The following GABRB1 variants were observed in gnomAD, a reference collection of about 807,000 sequenced individuals.
GABRB1 encodes gamma-aminobutyric acid receptor subunit beta-1.
Under a neutral mutation model 51.6 loss-of-function variants are expected in GABRB1, and 17 were observed. That is an observed-to-expected ratio of 0.33 (90% CI 0.23 to 0.49). The LOEUF (loss-of-function observed/expected upper bound fraction) is 0.49. Ranked by LOEUF, GABRB1 falls within the 20% of genes least tolerant of loss-of-function variation. The pLI, the probability that GABRB1 is intolerant of heterozygous loss-of-function variation, is 0.99. For synonymous variants in GABRB1, 247 were observed against 218.9 expected (o/e 1.13, Z -1.14); for missense variants, 410 against 600.6 (o/e 0.68, Z 3.32).
At chr4:47,292,264 T>G (rs1723773531) in intron 4 of GABRB1, among the ~76,000 whole-genome samples, 1 of 152,212 alleles carries the variant, frequency 6.6e-6, no homozygotes, top group Non-Finnish European at 1.5e-5. Flanking sequence ...CCACCATGAT[T>G]GTGAGGCATC....
chr4:47,374,073 A>G (rs1328566584), intron 5 of GABRB1, among the ~76,000 whole-genome samples: 1 of 152,180 alleles, frequency 6.6e-6, no homozygotes, highest in Non-Finnish European at 1.5e-5. Context: ...AAAGCCCTTG[A>G]GAATTGCACC....
chr4:47,115,469 G>A (rs1715434702), intron 3 of GABRB1, among the ~76,000 whole-genome samples: 1 of 151,640 alleles, frequency 6.6e-6, no homozygotes, highest in Non-Finnish European at 1.5e-5. Flanking sequence ...CTTGAGAAAT[G>A]TGAATTGGAA....
intron 1 of GABRB1, among the ~76,000 whole-genome samples, chr4:47,005,357 G>A (rs1724357493): frequency 6.6e-6 from 1 of 152,184 alleles, no homozygotes; most frequent in Non-Finnish European, 1.5e-5. Context: ...GGCGGAGCTT[G>A]CAGTGAGCTG....
At chr4:47,254,188 T>A (rs1315495569) in intron 4 of GABRB1, among the ~76,000 whole-genome samples, 1 of 152,058 alleles carries the variant, frequency 6.6e-6, no homozygotes, top group Non-Finnish European at 1.5e-5. Flanking sequence ...CCAAAGAATA[T>A]GCTATCAGAA....
intron 1 of GABRB1, among the ~76,000 whole-genome samples, chr4:47,020,740 C>T (rs1483430381): frequency 6.6e-6 from 1 of 152,196 alleles, no homozygotes; most frequent in African/African-American, 2.4e-5. Flanking sequence ...TAACTTCTTC[C>T]ACCCTTGCCC....
At chr4:47,246,588 T>G (rs982207721) in intron 4 of GABRB1, among the ~76,000 whole-genome samples, 60 of 151,192 alleles carry the variant, frequency 4.0e-4, no homozygotes, top group Admixed American at 4.0e-3. Flanking sequence ...CTTTTAGTTC[T>G]TTGAGGAATC....
intron 3 of GABRB1, among the ~76,000 whole-genome samples, chr4:47,088,724 C>T (rs1236613174): frequency 2.0e-5 from 3 of 152,172 alleles, no homozygotes; most frequent in Non-Finnish European, 2.9e-5. Context: ...ATATCATCCC[C>T]GTTACTACCA....
At chr4:47,071,448 C>T (rs544310763) in intron 3 of GABRB1, among the ~76,000 whole-genome samples, 1 of 152,236 alleles carries the variant, frequency 6.6e-6, no homozygotes, top group South Asian at 2.1e-4. Flanking sequence ...CCTGATTCCT[C>T]ACTCTCCCCA....
At chr4:47,384,183 T>C (rs1282234462) in intron 5 of GABRB1, among the ~76,000 whole-genome samples, 3 of 152,156 alleles carry the variant, frequency 2.0e-5, no homozygotes, top group Non-Finnish European at 4.4e-5. Context: ...TTATCATTCA[T>C]AGATAACCAC....
chr4:47,127,154 A>T (rs145651711), intron 3 of GABRB1, among the ~76,000 whole-genome samples: 1 of 151,994 alleles, frequency 6.6e-6, no homozygotes, highest in African/African-American at 2.4e-5. Flanking sequence ...TCCTAATTAT[A>T]GTATCTTTTT....
chr4:47,249,799 A>G (rs190612434), intron 4 of GABRB1, among the ~76,000 whole-genome samples: 83 of 151,962 alleles, frequency 5.5e-4, no homozygotes, highest in Middle Eastern at 3.4e-3. Context: ...CCACCCTTTT[A>G]CTTTAAGTTT....
chr4:47,295,111 T>A (rs1723920032), intron 4 of GABRB1, among the ~76,000 whole-genome samples: 1 of 152,004 alleles, frequency 6.6e-6, no homozygotes, highest in Non-Finnish European at 1.5e-5. Context: ...CATCTGTACA[T>A]CACCATCGTC....
At chr4:47,329,984 C>T (rs981199531) in intron 5 of GABRB1, among the ~76,000 whole-genome samples, 6 of 152,068 alleles carry the variant, frequency 3.9e-5, no homozygotes, top group Non-Finnish European at 7.4e-5. Context: ...ATTCCAGTCC[C>T]AGTCCAAAGG....
At chr4:47,277,662 A>G (rs935894369) in intron 4 of GABRB1, among the ~76,000 whole-genome samples, 2 of 152,030 alleles carry the variant, frequency 1.3e-5, no homozygotes, top group African/African-American at 4.8e-5. Flanking sequence ...AAAATTTTTT[A>G]ATAAAAATTT....
At chr4:47,225,514 C>T (rs1720913381) in intron 4 of GABRB1, among the ~76,000 whole-genome samples, 1 of 152,096 alleles carries the variant, frequency 6.6e-6, no homozygotes, top group Non-Finnish European at 1.5e-5. Context: ...TTCAAATTCA[C>T]AGATATCTCT....
At position 47,320,226 on chromosome 4, in the gene GABRB1, G is replaced by C. The variant is rs1449611159; in HGVS notation, c.544+17G>C. 5 of 1,487,214 alleles carry C rather than the reference G, an allele frequency of 3.4e-6. No homozygotes were observed. The highest frequency in any genetic ancestry group is 4.7e-6 in the Non-Finnish European group (5 of 1,064,300). 92.1% of individuals were successfully genotyped at this position (1,487,214 alleles called of 1,614,324 possible). A position where few individuals can be genotyped will look rare whatever the true frequency, so the allele number is the denominator to read the frequency against. On this transcript the variant is annotated intron_variant, in intron 5 of 8. Coordinates refer to ENST00000295454, the MANE Select transcript of GABRB1 (RefSeq NM_000812.4). ...TCGAAAGTTGTGAGTTACTTGGACA[G>C]GGGAATGAAAAAGAGGGATTCTTCC... is the stretch of plus-strand genomic sequence containing the variant.
chr4:47,307,713 T>C (rs1724520210), intron 4 of GABRB1, among the ~76,000 whole-genome samples: 2 of 152,120 alleles, frequency 1.3e-5, no homozygotes, highest in East Asian at 3.9e-4. Context: ...TGCCTGATAT[T>C]TAATAAAATA....
chr4:47,167,757 G>T (rs1167261315), intron 4 of GABRB1, among the ~76,000 whole-genome samples: 2 of 152,048 alleles, frequency 1.3e-5, no homozygotes, highest in African/African-American at 4.8e-5. Flanking sequence ...TATGTGTTTT[G>T]TCTCCCGTGC....
At chr4:47,371,253 G>A (rs1171982971) in intron 5 of GABRB1, among the ~76,000 whole-genome samples, 3 of 152,114 alleles carry the variant, frequency 2.0e-5, no homozygotes, top group Admixed American at 6.5e-5. Context: ...CATGGCCCTG[G>A]AAAGAACATG....
Sources: allele counts gnomAD v4.1 joint callset (sites outside exome capture counted in the v4.1 genomes callset), GRCh38; gene constraint gnomAD v4.1.1; transcripts MANE v1.5; gene names NCBI Gene and HGNC (gene_info 2026-07-23, HGNC 2026-07-21).